Variants in PTPRD observed in about 807,000 individuals in gnomAD.
PTPRD encodes the protein protein tyrosine phosphatase receptor type D, also known as receptor-type tyrosine-protein phosphatase delta.
In PTPRD, 34 loss-of-function variants were observed where a neutral mutation model predicts 214.5. The ratio of observed to expected loss-of-function variants is 0.16; its 90% CI spans 0.12 to 0.21. PTPRD has a LOEUF of 0.21. PTPRD is among the 10% of genes least tolerant of loss of function. The probability of loss-of-function intolerance (pLI) is 1.00; values close to 1 mark genes in which losing one functional copy is unlikely to be tolerated. For missense variants in PTPRD, 2,545 were observed against 2,398.7 expected (o/e 1.06, Z -1.27); for synonymous variants, 1,128 against 845.7 (o/e 1.33, Z -5.79).
intron 10 of PTPRD, among the ~76,000 whole-genome samples, chr9:9,144,736 G>A (rs1024156182): frequency 9.2e-5 from 14 of 152,066 alleles, no homozygotes; most frequent in Admixed American, 5.2e-4. Flanking sequence ...CTAGGCGACA[G>A]AGCGAGACTC....
At chr9:9,548,207 G>C (rs901364443) in intron 8 of PTPRD, among the ~76,000 whole-genome samples, 1 of 151,298 alleles carries the variant, frequency 6.6e-6, no homozygotes, top group Non-Finnish European at 1.5e-5. Flanking sequence ...GAAGAAGAAA[G>C]CTGGAAATGA....
chr9:8,417,412 A>C (rs535601644), intron 35 of PTPRD, among the ~76,000 whole-genome samples: 1 of 152,298 alleles, frequency 6.6e-6, no homozygotes, highest in African/African-American at 2.4e-5. Context: ...CAAAGGGTAG[A>C]GCTGTATTGG....
At chr9:10,293,304 T>G (rs1056606817) in intron 3 of PTPRD, among the ~76,000 whole-genome samples, 1 of 151,970 alleles carries the variant, frequency 6.6e-6, no homozygotes, top group Non-Finnish European at 1.5e-5. Flanking sequence ...AAATAATGAT[T>G]CTTTTTCCTT....
At chr9:9,720,508 G>A (rs1434611294) in intron 7 of PTPRD, among the ~76,000 whole-genome samples, 1 of 152,180 alleles carries the variant, frequency 6.6e-6, no homozygotes, top group Non-Finnish European at 1.5e-5. Flanking sequence ...GAAAATACTG[G>A]CAGGGTAGTA....
intron 8 of PTPRD, among the ~76,000 whole-genome samples, chr9:9,568,349 T>C (rs2085251671): frequency 6.6e-6 from 1 of 151,886 alleles, no homozygotes; most frequent in Non-Finnish European, 1.5e-5. Flanking sequence ...AAACGATTAA[T>C]TATAAGCAGA....
chr9:9,660,592 G>T (rs1240610567), intron 7 of PTPRD, among the ~76,000 whole-genome samples: 2 of 151,982 alleles, frequency 1.3e-5, no homozygotes, highest in African/African-American at 2.4e-5. Flanking sequence ...ACTGAGAGTT[G>T]CCCTAATATG....
At chr9:9,910,872 T>C (rs1457806844) in intron 5 of PTPRD, among the ~76,000 whole-genome samples, 9 of 152,054 alleles carry the variant, frequency 5.9e-5, no homozygotes, top group Non-Finnish European at 1.3e-4. Context: ...TCTAAAGTGA[T>C]TTCAATCTTT....
chr9:8,853,102 AG>A (rs2097850325), intron 11 of PTPRD, among the ~76,000 whole-genome samples: 2 of 152,212 alleles, frequency 1.3e-5, no homozygotes, highest in African/African-American at 4.8e-5. Context: ...TAATTTATTA[AG>A]GGGGAAATGA....
intron 3 of PTPRD, among the ~76,000 whole-genome samples, chr9:10,215,781 T>C (rs1356901212): frequency 6.6e-6 from 1 of 152,176 alleles, no homozygotes; most frequent in Admixed American, 6.6e-5. Context: ...AATTGAGGTA[T>C]ACTTGTTTAA....
intron 8 of PTPRD, among the ~76,000 whole-genome samples, chr9:9,400,932 T>G (rs2141342514): frequency 6.6e-6 from 1 of 152,198 alleles, no homozygotes; most frequent in African/African-American, 2.4e-5. Context: ...GGGTGTCTAT[T>G]TTCTATAAAA....
chr9:10,037,886 A>G (rs150456166), intron 3 of PTPRD, among the ~76,000 whole-genome samples: 18 of 152,254 alleles, frequency 1.2e-4, no homozygotes, highest in African/African-American at 4.1e-4. Flanking sequence ...TGCATCCTAC[A>G]TAGTTATTAT....
chr9:9,657,902 G>A (rs150627672), intron 7 of PTPRD, among the ~76,000 whole-genome samples: 1 of 152,082 alleles, frequency 6.6e-6, no homozygotes, highest in Admixed American at 6.6e-5. Flanking sequence ...TTTTCCCCCC[G>A]ACCTAAAGAG....
At chr9:9,426,607 C>T (rs1463440926) in intron 8 of PTPRD, among the ~76,000 whole-genome samples, 1 of 152,170 alleles carries the variant, frequency 6.6e-6, no homozygotes, top group East Asian at 1.9e-4. Context: ...GAGACTGCCT[C>T]CTCAAGTGGG....
chr9:10,016,394 T>TAGATAGAC (rs1555471423), intron 4 of PTPRD, among the ~76,000 whole-genome samples: 2 of 24,644 alleles, frequency 8.1e-5, no homozygotes, highest in African/African-American at 2.0e-4. Flanking sequence ...GATAGATAGA[T>TAGATAGAC]AGACAGATAG....
At chr9:9,837,107 T>A (rs548023767) in intron 5 of PTPRD, among the ~76,000 whole-genome samples, 2 of 152,162 alleles carry the variant, frequency 1.3e-5, no homozygotes, top group African/African-American at 2.4e-5. Context: ...AGAGTAAATA[T>A]TCACTTCACT....
chr9:8,787,272 C>G (rs1429334855), intron 11 of PTPRD, among the ~76,000 whole-genome samples: 1 of 152,194 alleles, frequency 6.6e-6, no homozygotes, highest in African/African-American at 2.4e-5. Flanking sequence ...CACACAACTT[C>G]TAGCTTTACT....
intron 9 of PTPRD, among the ~76,000 whole-genome samples, chr9:9,392,486 G>A (rs547713758): frequency 4.2e-4 from 64 of 152,166 alleles, no homozygotes; most frequent in Non-Finnish European, 6.9e-4. Flanking sequence ...AAATTACCAC[G>A]GTCCTTCTGT....
At chr9:9,170,230 A>C (rs1005406721) in intron 10 of PTPRD, among the ~76,000 whole-genome samples, 3 of 152,200 alleles carry the variant, frequency 2.0e-5, no homozygotes, top group Non-Finnish European at 2.9e-5. Flanking sequence ...ATCTGACACT[A>C]AGCTGAATTA....
chr9:9,044,237 A>G (rs981366170), intron 10 of PTPRD, among the ~76,000 whole-genome samples: 1 of 152,232 alleles, frequency 6.6e-6, no homozygotes, highest in Non-Finnish European at 1.5e-5. Flanking sequence ...GCTAAATATC[A>G]TCTGAAAACA....
Sources: allele counts gnomAD v4.1 joint callset (sites outside exome capture counted in the v4.1 genomes callset), GRCh38; gene constraint gnomAD v4.1.1; transcripts MANE v1.5; gene names NCBI Gene and HGNC (gene_info 2026-07-23, HGNC 2026-07-21).